Variants in POLGARF observed in about 807,000 individuals in gnomAD.
The protein encoded by POLGARF is POLG alternative reading frame.
the POLGARF span, chr15:89,330,319 A>C: frequency 7.5e-6 from 11 of 1,472,564 alleles, no homozygotes; most frequent in African/African-American, 8.3e-5. Context: ...TGGAGACATT[A>C]AACTTCCACT....
chr15:89,330,612 G>C, the POLGARF span, among the ~76,000 whole-genome samples: 1 of 152,122 alleles, frequency 6.6e-6, no homozygotes, highest in Non-Finnish European at 1.5e-5. Flanking sequence ...ATCTAGCTCT[G>C]AGGTTTTATG....
chr15:89,331,835 G>A, the POLGARF span, among the ~76,000 whole-genome samples: 54,498 of 149,690 alleles, frequency 0.36, 10,173 homozygotes, highest in Non-Finnish European at 0.39. Context: ...GGCCTTAACA[G>A]TGACTTCTGC....
the POLGARF span, chr15:89,333,092 T>G: frequency 6.6e-7 from 1 of 1,511,750 alleles, no homozygotes; most frequent in Non-Finnish European, 8.8e-7. Context: ...CTGCCCCTAC[T>G]TACCAGGCCG....
chr15:89,332,270 G>A, the POLGARF span: 2 of 151,968 alleles, frequency 1.3e-5, no homozygotes, highest in Non-Finnish European at 2.9e-5. Flanking sequence ...TTAACATTTC[G>A]CAGCTTTCTT....
the POLGARF span, chr15:89,333,459 G>A: frequency 6.2e-7 from 1 of 1,611,030 alleles, no homozygotes. Flanking sequence ...GCGGCGCACC[G>A]CGGCCTCGCC....
chr15:89,333,599 C>T, the POLGARF span: 2 of 1,343,814 alleles, frequency 1.5e-6, no homozygotes, highest in Non-Finnish European at 2.0e-6. Flanking sequence ...GCTGCTGTTG[C>T]TGCTGCTGCT....
At chr15:89,332,410 C>T in the POLGARF span, 1 of 152,144 alleles carries the variant, frequency 6.6e-6, no homozygotes, top group Non-Finnish European at 1.5e-5. Flanking sequence ...AGAAACAGTA[C>T]TGCCATCATT....
At chr15:89,333,005 C>G in the POLGARF span, 116 of 1,472,824 alleles carry the variant, frequency 7.9e-5, no homozygotes, top group Non-Finnish European at 1.0e-4. Flanking sequence ...AGCACCCAGC[C>G]CGTAACAGGA....
the POLGARF span, chr15:89,333,773 C>G: frequency 1.2e-5 from 19 of 1,534,914 alleles, no homozygotes; most frequent in East Asian, 4.2e-4. Context: ...CAGGGACCCC[C>G]ACGCTGGGAG....
chr15:89,330,967 G>C, the POLGARF span, among the ~76,000 whole-genome samples: 1 of 152,276 alleles, frequency 6.6e-6, no homozygotes. Flanking sequence ...TTCAGGAAAA[G>C]GCTGCAGTTT....
At chr15:89,333,613 G>C in the POLGARF span, 3 of 1,600,192 alleles carry the variant, frequency 1.9e-6, no homozygotes, top group East Asian at 6.7e-5. Context: ...TGCTGCTGCT[G>C]CTGCTGCTGC....
At chr15:89,333,374 C>T in the POLGARF span, 1 of 1,579,006 alleles carries the variant, frequency 6.3e-7, no homozygotes. Context: ...AGAGGGGCGG[C>T]AGGCGCAGCT....
At chr15:89,332,606 A>AG in the POLGARF span, among the ~76,000 whole-genome samples, 1 of 378 alleles carries the variant, frequency 2.6e-3, no homozygotes, top group Non-Finnish European at 4.6e-3. Flanking sequence ...CGGCGGGGGC[A>AG]GGGGGGCGGG....
the POLGARF span, among the ~76,000 whole-genome samples, chr15:89,332,007 C>T: frequency 9.2e-5 from 14 of 152,244 alleles, no homozygotes; most frequent in East Asian, 1.2e-3. Flanking sequence ...CTAAAATGAC[C>T]GACAGATCAA....
the POLGARF span, among the ~76,000 whole-genome samples, chr15:89,332,617 G>A: frequency 6.6e-6 from 1 of 150,846 alleles, no homozygotes; most frequent in Non-Finnish European, 1.5e-5. Flanking sequence ...GGGGGGCGGG[G>A]GGGTGTTGGT....
chr15:89,330,863 GA>G, the POLGARF span, among the ~76,000 whole-genome samples: 2 of 145,412 alleles, frequency 1.4e-5, no homozygotes, highest in African/African-American at 5.0e-5. Flanking sequence ...GAGAACCAGG[GA>G]AAGTGCCAGA....
chr15:89,333,053 G>A, the POLGARF span: 6 of 1,499,532 alleles, frequency 4.0e-6, no homozygotes, highest in East Asian at 2.3e-5. Context: ...TATTAAGCTG[G>A]GCCCCCATGC....
the POLGARF span, chr15:89,333,738 C>G: frequency 5.2e-6 from 8 of 1,535,456 alleles, no homozygotes; most frequent in Non-Finnish European, 7.0e-6. Flanking sequence ...CACCTTCCTC[C>G]AGAGCAGGCG....
chr15:89,333,336 C>G, the POLGARF span: 1 of 1,561,910 alleles, frequency 6.4e-7, no homozygotes, highest in South Asian at 1.2e-5. Flanking sequence ...GGCCAGGAGG[C>G]GGAAGTGCTG....
Sources: gnomAD v4.1 joint callset for allele counts (sites outside exome capture counted in the v4.1 genomes callset) on GRCh38, gnomAD v4.1.1 for gene constraint, MANE v1.5 for transcripts, NCBI Gene and HGNC (gene_info 2026-07-23, HGNC 2026-07-21) for gene names.